The following NDOR1 variants were observed in gnomAD, a reference collection of about 807,000 sequenced individuals.
The protein encoded by NDOR1 is NADPH-dependent diflavin oxidoreductase 1.
Under a neutral mutation model 67.2 loss-of-function variants are expected in NDOR1, and 61 were observed. The observed-to-expected ratio is 0.91, with a 90% CI of 0.74 to 1.12. The LOEUF is 1.12. Ranked by LOEUF, NDOR1 falls within the 50% of genes most tolerant of loss-of-function variation. The probability of loss-of-function intolerance (pLI) is 0.00; values close to 1 mark genes in which losing one functional copy is unlikely to be tolerated. For synonymous variants in NDOR1, 378 were observed against 343.7 expected, an observed-to-expected ratio of 1.10 and a Z score of -1.10; for missense variants, 878 against 802.8, an observed-to-expected ratio of 1.09 and a Z score of -1.13.
Position 137,205,850 on chromosome 9 carries a change from G to C in NDOR1, c.73G>C (p.Gly25Arg), listed in dbSNP as rs367940263. ...GGCTCAGGATGTGTCGGAGAGACTG[G>C]GTCGCGAGGCCCGGCGCCGGCGGCT... ...GTAQDVSERLGREARRRRLGC... is the reference protein window; with the variant it reads ...GTAQDVSERLRREARRRRLGC... The change falls in exon 1 of 14, where the codon GGT becomes CGT. Residue 25 changes from glycine (G) to arginine (R), a missense_variant. By Grantham distance (125) the Gly-to-Arg change is moderately radical (BLOSUM62 -2). Transcript: ENST00000684003. 2 of 1,603,216 alleles carry C rather than the reference G, an allele frequency of 1.2e-6. No individual in the cohort carries two copies. The highest frequency in any genetic ancestry group is 1.7e-6 in the Non-Finnish European group (2 of 1,178,864).
Position 137,212,486 on chromosome 9 carries a change from T to C in NDOR1, c.214-16T>C, listed in dbSNP as rs1156472674. 1.9e-6 allele frequency: 3 copies of C among 1,611,482 alleles called. No homozygotes were observed. Among genetic ancestry groups the C allele is most frequent in the Non-Finnish European group, 2.5e-6 (3 of 1,177,674 alleles). On this transcript the variant is annotated splice_polypyrimidine_tract_variant and intron_variant, in intron 2 of 13. Transcript: ENST00000684003. This position sits in a 1 kb window ranked among gnomAD's most constrained non-coding sequence, Gnocchi z 4.3. ...AGAGGTCGAGGACTCTGACTCAGAG[T>C]TTCCTCCGGCTGTAGAACTTCTGGA...
At chr9:137,208,573 A>G (rs969695676) in intron 2 of NDOR1, among the ~76,000 whole-genome samples, 1 of 152,178 alleles carries the variant, frequency 6.6e-6, no homozygotes. Context: ...ACAGTGGCTC[A>G]TGCCTGTAAT....
Position 137,217,869 on chromosome 9 carries a change from C to G in NDOR1, c.*1453C>G, listed in dbSNP as rs1280494512. On this transcript the variant is annotated 3_prime_UTR_variant, in exon 14 of 14. Coordinates refer to ENST00000684003, the MANE Select transcript of NDOR1 (RefSeq NM_014434.4). ...TCCAGCTCTGGGCCTGTCAGTCCAC[C>G]TGGGTCCTCTCTGGGCCCTGAGTGC... 2.5e-6 allele frequency: 1 copy of G among 398,248 alleles called. No homozygotes were observed. The highest frequency in any genetic ancestry group is 4.4e-6 in the Non-Finnish European group (1 of 226,460). 24.7% of individuals were successfully genotyped at this position (398,248 alleles called of 1,614,324 possible).
rs1835712429 is a variant in NDOR1, at chr9:137,218,067, A to G, written c.*1651A>G. The G allele has an allele frequency of 5.0e-6, 2 of 399,284 alleles. No homozygotes were observed. The allele number at this position is 399,284 out of a possible 1,614,324, so 24.7% of individuals were successfully genotyped here. On this transcript the variant is annotated 3_prime_UTR_variant, in exon 14 of 14. Transcript: ENST00000684003. ...GAGCAGGCAGCAGGGCAGGGGGAAG[A>G]GGAGGAGTGCCCGATCTGCACAGAG...
chr9:137,208,544 TGA>T (rs993321537), intron 2 of NDOR1, among the ~76,000 whole-genome samples: 3 of 150,404 alleles, frequency 2.0e-5, no homozygotes, highest in Non-Finnish European at 4.4e-5. Flanking sequence ...GAGTTTTTTA[TGA>T]GAGACGTTTG....
intron 10 of NDOR1, 56 bp from the exon 11 acceptor site, chr9:137,215,603 C>T (rs888233233): frequency 6.9e-6 from 11 of 1,602,534 alleles, no homozygotes; most frequent in African/African-American, 6.7e-5. Context: ...GCTAGGGCCC[C>T]AGCAGACTCA....
At chr9:137,211,164 A>G (rs911154382) in intron 2 of NDOR1, among the ~76,000 whole-genome samples, 1 of 152,226 alleles carries the variant, frequency 6.6e-6, no homozygotes, top group Non-Finnish European at 1.5e-5. Context: ...AAATCCTTCT[A>G]GAAAGTATGA....
rs774085897 is a variant in NDOR1, at chr9:137,206,217, TG to T, written c.136-14del. On this transcript the variant is annotated splice_polypyrimidine_tract_variant and intron_variant, in intron 1 of 13. Transcript: ENST00000684003. ...TACAGCCGGAGGTCTTACGTGTGTG[TG>T]TCTTTTTGTTGAGGTGAATCTGATT... is the stretch of plus-strand genomic sequence containing the variant. 6 of 1,613,974 alleles carry T rather than the reference TG, an allele frequency of 3.7e-6. No individual in the cohort carries two copies. The highest frequency in any genetic ancestry group is 4.2e-6 in the Non-Finnish European group (5 of 1,179,950).
chr9:137,215,034 G>A lies in NDOR1; in HGVS notation c.1065+16G>A, dbSNP rs369600133. ...CATCCTGGAGGTGAGATGGGAGGGC[G>A]GCAGGCCCAGCCCCTGAGCTACAGC... On this transcript the variant is annotated intron_variant, in intron 8 of 13. Coordinates refer to ENST00000684003, the MANE Select transcript of NDOR1 (RefSeq NM_014434.4). 47 of 1,610,920 alleles carry A rather than the reference G, an allele frequency of 2.9e-5. No individual in the cohort carries two copies. Among genetic ancestry groups the A allele is most frequent in the Non-Finnish European group, 3.6e-5 (42 of 1,177,842 alleles).
chr9:137,210,049 C>T (rs1446558870), intron 2 of NDOR1, among the ~76,000 whole-genome samples: 3 of 152,216 alleles, frequency 2.0e-5, no homozygotes, highest in South Asian at 2.1e-4. Context: ...GCCGAGATCA[C>T]ACCACTGCAC....
At chr9:137,207,459 G>A (rs1278334992) in intron 2 of NDOR1, among the ~76,000 whole-genome samples, 1 of 151,990 alleles carries the variant, frequency 6.6e-6, no homozygotes, top group Non-Finnish European at 1.5e-5. Context: ...AGTGCAGTAG[G>A]ACTAGCGCTC....
rs1588825293 is a variant in NDOR1 at position 137,218,225 on chromosome 9, C to A, written c.*1809C>A. 1.3e-5 allele frequency: 5 copies of A among 398,270 alleles called. No homozygotes were observed. The highest frequency in any genetic ancestry group is 2.2e-5 in the Non-Finnish European group (5 of 225,888). The allele number at this position is 398,270 out of a possible 1,614,324, so 24.7% of individuals were successfully genotyped here. A position where few individuals can be genotyped will look rare whatever the true frequency, so the allele number is the denominator to read the frequency against. On this transcript the variant is annotated 3_prime_UTR_variant, in exon 14 of 14. Coordinates refer to ENST00000684003, the MANE Select transcript of NDOR1 (RefSeq NM_014434.4). ...CCGGGTGCGCTGCCCGCTGTGCCGCCAGAAGACGCCCGTGCTGGAATGGGA... is the reference window on the plus strand; with the variant it reads ...CCGGGTGCGCTGCCCGCTGTGCCGCAAGAAGACGCCCGTGCTGGAATGGGA...
intron 2 of NDOR1, among the ~76,000 whole-genome samples, chr9:137,211,786 C>G (rs904769432): frequency 3.3e-5 from 5 of 151,772 alleles, no homozygotes; most frequent in African/African-American, 1.2e-4. Context: ...AGCCTCCATG[C>G]TTGGCCACGG....
chr9:137,215,783 G>A lies in NDOR1; in HGVS notation c.1413G>A (p.Glu471=), dbSNP rs761026985. 7 of 1,597,208 alleles carry A rather than the reference G, an allele frequency of 4.4e-6. No homozygotes were observed. In the East Asian group the frequency reaches 1.3e-4, roughly 31 times the overall value. Residue 471 remains glutamate (E), a synonymous_variant, in exon 11 of 14, where the codon GAG becomes GAA. Transcript: ENST00000684003. ...CCCCCTTCCGAGCAGCCATCCAGGA[G>A]CGTGTGGCCCAGGGCCAGACTGGTG... ...GVAPFRAAIQ[E]RVAQGQTGNF... is the part of the protein sequence containing the mutation.
rs575607849 is a variant in NDOR1, at chr9:137,208,157, A to G, written c.213+1848A>G. 1.0e-3 allele frequency among the ~76,000 whole-genome samples: 147 copies of G among 145,024 alleles called. 1 individual carries two copies. The highest frequency in any genetic ancestry group is 1.1e-3 in the Non-Finnish European group (72 of 66,410). On this transcript the variant is annotated intron_variant, in intron 2 of 13. Coordinates refer to ENST00000684003, the MANE Select transcript of NDOR1 (RefSeq NM_014434.4). ...CTAGACTCTGTCAAAAAAAAAAAAA[A>G]AAAGAAAAAGAGCCGGGCACTGTGG...
At position 137,214,996 on chromosome 9, in the gene NDOR1, G is replaced by C. The variant is rs758793303; in HGVS notation, c.1043G>C (p.Arg348Pro). ...GQEELFEYCN[R>P]PRRTILEVLC... ...GAGGAGCTCTTTGAATACTGCAACC[G>C]GCCCCGCAGGACCATCCTGGAGGTG... The change falls in exon 8 of 14, where the codon CGG becomes CCG. Residue 348 changes from arginine (R) to proline (P), a missense_variant. Physicochemically the swap from Arg to Pro is moderately radical, Grantham distance 103. Transcript: ENST00000684003. The C allele has an allele frequency of 1.9e-6, 3 of 1,613,150 alleles. No homozygotes were observed. Among genetic ancestry groups the C allele is most frequent in the East Asian group, 2.2e-5 (1 of 44,850 alleles).
rs1256560424 is a variant in NDOR1 at position 137,216,397 on chromosome 9, A to G, written c.1775A>G (p.Gln592Arg). ...AGGCTCCAGCAGACACGGCGCTTCC[A>G]GACAGAGACGTGGGCCTGAGGCCCG... ...LARLQQTRRF[Q>R]TETWA Residue 592 changes from glutamine (Q) to arginine (R), a missense_variant, in exon 14 of 14, where the codon CAG becomes CGG. Gln to Arg is a conservative substitution (Grantham distance 43). Transcript: ENST00000684003. The G allele has an allele frequency of 1.9e-6, 3 of 1,605,204 alleles. No individual in the cohort carries two copies. The highest frequency in any genetic ancestry group is 3.3e-5 in the Admixed American group (2 of 60,018).
At position 137,214,184 on chromosome 9, in the gene NDOR1, A is replaced by G; in HGVS notation, c.513-20A>G. On this transcript the variant is annotated intron_variant, in intron 5 of 13. Transcript: ENST00000684003. ...CCCCTGGGGAGTGGGTCCTGGTCTG[A>G]CCAGCGTGCCCTCCCACAGCCTGCC... The G allele has an allele frequency of 6.2e-7, 1 of 1,600,186 alleles. No homozygotes were observed. Among genetic ancestry groups the G allele is most frequent in the Non-Finnish European group, 8.5e-7 (1 of 1,175,340 alleles).
Position 137,216,609 on chromosome 9 carries a change from CA to C in NDOR1, c.*194del, listed in dbSNP as rs1835620342. The C allele has an allele frequency of 1.4e-6, 1 of 698,534 alleles. No homozygotes were observed. Among genetic ancestry groups the C allele is most frequent in the Middle Eastern group, 4.0e-4 (1 of 2,484 alleles). The allele number at this position is 698,534 out of a possible 1,614,324, so 43.3% of individuals were successfully genotyped here. ...CCACCCTTTGAGCCTGACCCCACTG[CA>C]GCCTCTGCCCAGCCAGCCCTGCGCT... On this transcript the variant is annotated 3_prime_UTR_variant, in exon 14 of 14. Transcript: ENST00000684003.
Sources: gnomAD v4.1 joint callset for allele counts (sites outside exome capture counted in the v4.1 genomes callset) on GRCh38, gnomAD v4.1.1 for gene constraint, Gnocchi (gnomAD v3.1) non-coding constraint, MANE v1.5 for transcripts, NCBI Gene and HGNC (gene_info 2026-07-23, HGNC 2026-07-21) for gene names.